Variants in ENPP3 observed in about 807,000 individuals in gnomAD.
ENPP3 encodes ectonucleotide pyrophosphatase/phosphodiesterase 3.
A neutral mutation model predicts 117.8 loss-of-function variants in ENPP3; 104 were observed. The observed-to-expected ratio is 0.88, with a 90% confidence interval of 0.75 to 1.04. ENPP3 has a LOEUF of 1.04. Ranked by LOEUF, ENPP3 falls within the 50% of genes least tolerant of loss-of-function variation. ENPP3 has a pLI of 0.00. For missense variants in ENPP3, 1,026 were observed against 1,051.9 expected, an observed-to-expected ratio of 0.98 and a Z score of 0.34; for synonymous variants, 380 against 349.9, an observed-to-expected ratio of 1.09 and a Z score of -0.96.
intron 20 of ENPP3, among the ~76,000 whole-genome samples, chr6:131,729,129 TATC>T (rs1780220286): frequency 6.6e-6 from 1 of 152,214 alleles, no homozygotes; most frequent in Non-Finnish European, 1.5e-5. Context: ...TCTACACACA[TATC>T]ATTCCATGTT....
chr6:131,660,062 C>G (rs1778465888), intron 6 of ENPP3, among the ~76,000 whole-genome samples: 1 of 152,112 alleles, frequency 6.6e-6, no homozygotes, highest in Admixed American at 6.5e-5. Flanking sequence ...ATGTGTGAAG[C>G]TATGATCAGC....
chr6:131,726,121 T>C lies in ENPP3; in HGVS notation c.1874T>C (p.Leu625Pro). The change falls in exon 20 of 25, where the codon CTT becomes CCT. Residue 625 changes from leucine to proline, a missense_variant. By Grantham distance (98) the Leu-to-Pro change is moderately conservative. Coordinates refer to ENST00000357639, the MANE Select transcript of ENPP3 (RefSeq NM_005021.5). The stretch of plus-strand genomic sequence containing the variant: ...CAGAAGAACGTGGACCACTGTCTCC[T>C]TTACCACAGGGAATATGTCAGTGGA... The part of the protein sequence containing the change: ...VLQKNVDHCL[L>P]YHREYVSGFG... 5 of 1,613,640 alleles carry C rather than the reference T, an allele frequency of 3.1e-6. No homozygotes were observed. In the South Asian group the frequency reaches 3.3e-5, roughly 11 times the overall value.
intron 15 of ENPP3, among the ~76,000 whole-genome samples, chr6:131,704,432 A>AT (rs1397207942): frequency 1.0e-5 from 1 of 98,460 alleles, no homozygotes; most frequent in Non-Finnish European, 2.0e-5. Flanking sequence ...AGAAGAATGG[A>AT]TAAGGCATAA....
chr6:131,674,500 A>G (rs1416957606), intron 8 of ENPP3: 2 of 561,044 alleles, frequency 3.6e-6, no homozygotes, highest in South Asian at 2.1e-5. Context: ...ATTGGGTTAT[A>G]AATGTATCCA....
At chr6:131,711,055 T>G in intron 15 of ENPP3, 1 of 1,584,228 alleles carries the variant, frequency 6.3e-7, no homozygotes, top group South Asian at 1.1e-5. Context: ...GCAGTAACAC[T>G]GGCCACAACA....
chr6:131,723,426 A>C (rs1780078862), intron 18 of ENPP3, among the ~76,000 whole-genome samples: 1 of 152,202 alleles, frequency 6.6e-6, no homozygotes, highest in Non-Finnish European at 1.5e-5. Context: ...AAAAATAATA[A>C]TAACATTACT....
intron 21 of ENPP3, among the ~76,000 whole-genome samples, chr6:131,735,545 A>G (rs1780377964): frequency 6.6e-6 from 1 of 152,170 alleles, no homozygotes; most frequent in Non-Finnish European, 1.5e-5. Context: ...GCTTGAGTCC[A>G]GGAGTTCGAG....
chr6:131,700,488 C>G, intron 15 of ENPP3: 3 of 1,186,666 alleles, frequency 2.5e-6, no homozygotes, highest in Non-Finnish European at 3.4e-6. Context: ...CCTTTCTACT[C>G]CCAGCACTCT....
Position 131,724,034 on chromosome 6 carries a change from T to C in ENPP3, c.1747-6T>C. ...CTCCCCTTTCCCATCCCTCATTATC[T>C]TGCAGAGTACTCAGCTGGAACAAGT... On this transcript the variant is annotated splice_region_variant and splice_polypyrimidine_tract_variant and intron_variant, in intron 18 of 24. Transcript: ENST00000357639. 1 of 1,608,358 alleles carries C rather than the reference T, an allele frequency of 6.2e-7. No homozygotes were observed. Among genetic ancestry groups the C allele is most frequent in the South Asian group, 1.1e-5 (1 of 90,720 alleles).
intron 2 of ENPP3, among the ~76,000 whole-genome samples, chr6:131,647,106 T>C (rs1316699156): frequency 1.3e-5 from 2 of 151,914 alleles, no homozygotes; most frequent in South Asian, 2.1e-4. Context: ...ACTCCTGAGC[T>C]CAGGTGATCT....
chr6:131,719,034 A>G (rs1215194939), intron 16 of ENPP3, among the ~76,000 whole-genome samples: 3 of 152,228 alleles, frequency 2.0e-5, no homozygotes, highest in Admixed American at 2.0e-4. Flanking sequence ...GAATAATAAA[A>G]TAATACATTA....
In ENPP3 at chr6:131,652,846, T is replaced by C. The variant is rs763931639; in HGVS notation, c.419T>C (p.Leu140Pro). The C allele has an allele frequency of 1.1e-5, 18 of 1,613,498 alleles. No individual in the cohort carries two copies. The highest frequency in any genetic ancestry group is 1.5e-5 in the Non-Finnish European group (18 of 1,179,556). The change falls in exon 5 of 25, where the codon CTG becomes CCG. Residue 140 changes from leucine to proline, a missense_variant. Coordinates refer to ENST00000357639, the MANE Select transcript of ENPP3 (RefSeq NM_005021.5). The part of the protein sequence containing the change: ...KSVCQGETSW[L>P]EENCDTAQQS... ...TGCTTTTCAGGAGAAACCTCATGGC[T>C]GGAAGAAAACTGTGACACAGCCCAG...
intron 15 of ENPP3, among the ~76,000 whole-genome samples, chr6:131,694,016 A>G (rs1450080744): frequency 6.6e-6 from 1 of 152,224 alleles, no homozygotes; most frequent in African/African-American, 2.4e-5. Context: ...TTTATAAAAG[A>G]GCACATATAG....
rs143438732 is a variant in ENPP3 at position 131,695,256 on chromosome 6, A to G, written c.1412+1632A>G. The stretch of plus-strand genomic sequence containing the variant: ...TACATTCTCCAGATATTTACTGTTA[A>G]AAGTCTAACACCAAACAAGTTAGGT... On this transcript the variant is annotated intron_variant, in intron 15 of 24. Transcript: ENST00000357639. Among the ~76,000 whole-genome samples, 6 of 152,320 alleles carry G rather than the reference A, an allele frequency of 3.9e-5. No individual in the cohort carries two copies. In the East Asian group the frequency reaches 1.2e-3, roughly 29 times the overall value.
chr6:131,668,334 C>CG (rs1185805637), intron 6 of ENPP3, among the ~76,000 whole-genome samples: 2 of 148,504 alleles, frequency 1.3e-5, no homozygotes, highest in African/African-American at 4.9e-5. Flanking sequence ...TGTCTCGCCC[C>CG]CCCCTGAGGA....
chr6:131,720,864 CATGAGCTA>C (rs1445313051), intron 17 of ENPP3, among the ~76,000 whole-genome samples: 2 of 152,170 alleles, frequency 1.3e-5, no homozygotes, highest in Non-Finnish European at 2.9e-5. Context: ...AGATTACGGG[CATGAGCTA>C]CCATGCCCAG....
intron 15 of ENPP3, chr6:131,710,737 T>A (rs1252581144): frequency 6.2e-7 from 1 of 1,611,566 alleles, no homozygotes; most frequent in African/African-American, 1.3e-5. Context: ...GCTAAACTTT[T>A]CAAGTAGTTT....
chr6:131,650,209 A>G (rs1300238277), intron 3 of ENPP3, 60 bp downstream of exon 3: 2 of 1,590,556 alleles, frequency 1.3e-6, no homozygotes, highest in African/African-American at 2.7e-5. Flanking sequence ...AATACATGTC[A>G]AATTTTTTTC....
At chr6:131,746,627 T>C (rs1780641158) in intron 24 of ENPP3, among the ~76,000 whole-genome samples, 159 bp from the exon 25 acceptor site, 1 of 152,202 alleles carries the variant, frequency 6.6e-6, no homozygotes, top group South Asian at 2.1e-4. Flanking sequence ...GTACTTGTGT[T>C]TTCTTTTTAT....
Sources: allele counts gnomAD v4.1 joint callset (sites outside exome capture counted in the v4.1 genomes callset), GRCh38; gene constraint gnomAD v4.1.1; transcripts MANE v1.5; gene names NCBI Gene and HGNC (gene_info 2026-07-23, HGNC 2026-07-21).